Variants in VPS13B observed in about 807,000 individuals in gnomAD.
VPS13B encodes the protein intermembrane lipid transfer protein VPS13B.
A neutral mutation model predicts 426.4 loss-of-function variants in VPS13B; 285 were observed. The observed-to-expected ratio is 0.67, with a 90% CI of 0.61 to 0.74. VPS13B has a LOEUF of 0.74. Ranked by LOEUF, VPS13B falls within the 30% of genes least tolerant of loss-of-function variation. The probability of loss-of-function intolerance (pLI) is 0.00; values close to 1 mark genes in which losing one functional copy is unlikely to be tolerated. For synonymous variants in VPS13B, 1,676 were observed against 1,676.4 expected (o/e 1.00, Z 0.01); for missense variants, 4,537 against 4,782.6 (o/e 0.95, Z 1.51).
intron 8 of VPS13B, among the ~76,000 whole-genome samples, chr8:99,125,568 T>A (rs80088902): frequency 0.083 from 12,627 of 152,160 alleles, 886 homozygotes; most frequent in African/African-American, 0.19. Context: ...AGATGAGGTA[T>A]TTAGAATATG....
At chr8:99,338,647 A>G (rs573859567) in intron 19 of VPS13B, among the ~76,000 whole-genome samples, 6 of 152,282 alleles carry the variant, frequency 3.9e-5, no homozygotes, top group African/African-American at 1.2e-4. Context: ...AATGAAAACA[A>G]TGTCAGATTA....
At chr8:99,396,531 T>A (rs1371732645) in intron 21 of VPS13B, among the ~76,000 whole-genome samples, 2 of 152,210 alleles carry the variant, frequency 1.3e-5, no homozygotes, top group Non-Finnish European at 2.9e-5. Context: ...CTTTCTTTCA[T>A]GGCATTGGCA....
chr8:99,340,837 C>T, intron 19 of VPS13B: 1 of 321,122 alleles, frequency 3.1e-6, no homozygotes. Flanking sequence ...GCCTGCAATG[C>T]TTCCGGCTTG....
rs1821546226 is a variant in VPS13B at position 99,507,178 on chromosome 8, T to A, written c.4199T>A (p.Phe1400Tyr). ...CAGTCAGGACATTTTGAAGGAGTAT[T>A]TCTACAATGCAAAGAAAAATCTGTG... ...GWQSGHFEGVFLQCKEKSVTT... is the reference protein window; with the variant it reads ...GWQSGHFEGVYLQCKEKSVTT... The change falls in exon 28 of 62, where the codon TTT becomes TAT. Residue 1400 changes from phenylalanine (F) to tyrosine (Y), a missense_variant. Physicochemically the swap from Phe to Tyr is conservative, Grantham distance 22. Around this residue, in one of 2 missense-constraint regions of VPS13B, gnomAD observed 4,311 missense variants for 4,474.3 expected, o/e 0.96. Coordinates refer to ENST00000357162, the MANE Select transcript of VPS13B (RefSeq NM_152564.5). The A allele has an allele frequency of 3.1e-6, 5 of 1,613,988 alleles. No individual in the cohort carries two copies. Among genetic ancestry groups the A allele is most frequent in the Non-Finnish European group, 4.2e-6 (5 of 1,179,904 alleles).
At chr8:99,773,373 C>A (rs1424748116) in intron 40 of VPS13B, among the ~76,000 whole-genome samples, 1 of 152,120 alleles carries the variant, frequency 6.6e-6, no homozygotes, top group Non-Finnish European at 1.5e-5. Flanking sequence ...ATTATAAAAT[C>A]TTTATTACCA....
chr8:99,286,949 T>A lies in VPS13B; in HGVS notation c.2824+11695T>A, dbSNP rs575605802. 1.3e-4 allele frequency among the ~76,000 whole-genome samples: 20 copies of A among 152,286 alleles called. No homozygotes were observed. In the East Asian group the frequency reaches 3.7e-3, roughly 28 times the overall value. The stretch of plus-strand genomic sequence containing the variant: ...TAATTCTGGGATAATTCTGTTGACC[T>A]TAACTTGAGTTTTACTTTTCAAATA... On this transcript the variant is annotated intron_variant, in intron 19 of 61. Transcript: ENST00000357162.
At chr8:99,397,892 G>T (rs1814824688) in intron 21 of VPS13B, among the ~76,000 whole-genome samples, 1 of 152,138 alleles carries the variant, frequency 6.6e-6, no homozygotes, top group South Asian at 2.1e-4. Flanking sequence ...TGCATAAGAG[G>T]TCTTGCAAAT....
intron 35 of VPS13B, among the ~76,000 whole-genome samples, chr8:99,689,947 A>T (rs1275519873): frequency 6.6e-6 from 1 of 152,198 alleles, no homozygotes; most frequent in Non-Finnish European, 1.5e-5. Flanking sequence ...AGAAAAAGAC[A>T]GTTTCAGGAT....
At chr8:99,608,629 AAG>A (rs1024779508) in intron 33 of VPS13B, among the ~76,000 whole-genome samples, 1 of 152,140 alleles carries the variant, frequency 6.6e-6, no homozygotes, top group African/African-American at 2.4e-5. Flanking sequence ...TCACACCAAA[AAG>A]AAACCTCATA....
At chr8:99,061,296 C>CTTTTTTTTTTTTT (rs36037937) in intron 3 of VPS13B, among the ~76,000 whole-genome samples, 1 of 112,952 alleles carries the variant, frequency 8.9e-6, no homozygotes, top group African/African-American at 3.5e-5. Flanking sequence ...TGCTAATTTT[C>CTTTTTTTTTTTTT]TTTTTTTTTT....
intron 17 of VPS13B, among the ~76,000 whole-genome samples, chr8:99,259,283 A>C (rs185126140): frequency 1.1e-3 from 161 of 152,274 alleles, no homozygotes; most frequent in Non-Finnish European, 2.0e-3. Context: ...TCTTAGGAGA[A>C]AATTCGTTTA....
chr8:99,552,519 A>G (rs943890727), intron 30 of VPS13B, among the ~76,000 whole-genome samples: 1 of 151,692 alleles, frequency 6.6e-6, no homozygotes, highest in South Asian at 2.1e-4. Flanking sequence ...TCATGACTGC[A>G]AAATCTTGGA....
rs113597579 is a variant in VPS13B at position 99,142,908 on chromosome 8, C to T, written c.1652-66C>T. On this transcript the variant is annotated intron_variant, in intron 12 of 61. Coordinates refer to ENST00000357162, the MANE Select transcript of VPS13B (RefSeq NM_152564.5). ...ACAAGCTATAAAAATGAGAGAAGAGCGATTTTAAAATATTTACTTGGTATA... is the reference window on the plus strand; with the variant it reads ...ACAAGCTATAAAAATGAGAGAAGAGTGATTTTAAAATATTTACTTGGTATA... 1,626 of 1,500,338 alleles carry T rather than the reference C, an allele frequency of 1.1e-3. 1 individual carries two copies. The highest frequency in any genetic ancestry group is 1.3e-3 in the Non-Finnish European group (1,450 of 1,111,480). 92.9% of individuals were successfully genotyped at this position (1,500,338 alleles called of 1,614,324 possible).
At chr8:99,461,360 A>G (rs572478215) in intron 23 of VPS13B, among the ~76,000 whole-genome samples, 1 of 152,284 alleles carries the variant, frequency 6.6e-6, no homozygotes. Context: ...ATACTCTCTC[A>G]GATTTTCATT....
intron 33 of VPS13B, among the ~76,000 whole-genome samples, chr8:99,610,947 G>A (rs1453155604): frequency 6.6e-6 from 1 of 152,154 alleles, no homozygotes; most frequent in African/African-American, 2.4e-5. Flanking sequence ...GGCTTAATTT[G>A]TCTGTCATAT....
intron 19 of VPS13B, among the ~76,000 whole-genome samples, chr8:99,338,391 C>T (rs919387601): frequency 1.3e-4 from 20 of 151,866 alleles, no homozygotes; most frequent in African/African-American, 4.8e-5. Context: ...TTATTTCTTG[C>T]GTACTACATT....
chr8:99,338,972 A>G (rs1380339518), intron 19 of VPS13B, among the ~76,000 whole-genome samples: 1 of 152,180 alleles, frequency 6.6e-6, no homozygotes, highest in Admixed American at 6.5e-5. Flanking sequence ...AAGAAAGTCA[A>G]TTTTTTAATT....
intron 57 of VPS13B, 76 bp from the exon 58 acceptor site, chr8:99,861,700 C>T: frequency 6.5e-7 from 1 of 1,544,250 alleles, no homozygotes; most frequent in Non-Finnish European, 8.8e-7. Context: ...GGTGCTCCCG[C>T]TGCCTCTGAA....
intron 19 of VPS13B, among the ~76,000 whole-genome samples, chr8:99,343,465 A>G (rs367803959): frequency 5.3e-5 from 8 of 152,154 alleles, no homozygotes; most frequent in Non-Finnish European, 1.2e-4. Flanking sequence ...TATCAGATAT[A>G]TGCTATGCAA....
Sources: gnomAD v4.1 joint callset for allele counts (sites outside exome capture counted in the v4.1 genomes callset) on GRCh38, gnomAD v4.1.1 for gene constraint, gnomAD v4.1.1 regional missense constraint, MANE v1.5 for transcripts, NCBI Gene and HGNC (gene_info 2026-07-23, HGNC 2026-07-21) for gene names.